The following RMND5A variants were observed in gnomAD, a reference collection of about 807,000 sequenced individuals.
RMND5A encodes required for meiotic nuclear division 5 homolog A.
Under a neutral mutation model 49.7 loss-of-function variants are expected in RMND5A, and 17 were observed. The ratio of observed to expected loss-of-function variants is 0.34; its 90% confidence interval spans 0.23 to 0.51. RMND5A has a LOEUF of 0.51. Among genes scored for constraint, RMND5A ranks in the 20% least tolerant of loss-of-function variants. The pLI is 0.96. For synonymous variants in RMND5A, 156 were observed against 167.7 expected, an observed-to-expected ratio of 0.93 and a Z score of 0.54; for missense variants, 255 against 471.3, an observed-to-expected ratio of 0.54 and a Z score of 4.25.
At chr2:86,737,959 G>A (rs371304384) in intron 1 of RMND5A, among the ~76,000 whole-genome samples, 31 of 9,308 alleles carry the variant, frequency 3.3e-3, no homozygotes, top group African/African-American at 0.013. Context: ...TAGAGACAGG[G>A]TCTGACTCTG....
At chr2:86,755,258 A>G (rs992518416) in intron 4 of RMND5A, among the ~76,000 whole-genome samples, 2 of 152,134 alleles carry the variant, frequency 1.3e-5, no homozygotes, top group African/African-American at 4.8e-5. Flanking sequence ...AGCTAAGACT[A>G]CAGGTGCACA....
chr2:86,742,740 G>A (rs554996017), intron 2 of RMND5A, among the ~76,000 whole-genome samples: 2,025 of 151,154 alleles, frequency 0.013, 25 homozygotes, highest in Admixed American at 0.031. Flanking sequence ...AGTTCAGAGA[G>A]AACCCCAGGA....
At chr2:86,725,345 T>C (rs1489251923) in intron 1 of RMND5A, among the ~76,000 whole-genome samples, 1 of 145,498 alleles carries the variant, frequency 6.9e-6, no homozygotes, top group Non-Finnish European at 1.5e-5. Context: ...CTGGACCACC[T>C]GGTTGCCCAC....
chr2:86,769,588 G>T (rs1371087001), intron 6 of RMND5A, among the ~76,000 whole-genome samples: 1 of 152,012 alleles, frequency 6.6e-6, no homozygotes, highest in Non-Finnish European at 1.5e-5. Flanking sequence ...GTTCTCCAAA[G>T]CTGCTTTCTT....
intron 7 of RMND5A, 144 bp downstream of exon 7, chr2:86,770,269 A>G (rs1672666852): frequency 1.5e-6 from 1 of 653,342 alleles, no homozygotes; most frequent in African/African-American, 1.9e-5. Context: ...AGATTAAACA[A>G]TACAAATGAA....
At chr2:86,766,924 A>G (rs1326437302) in intron 6 of RMND5A, among the ~76,000 whole-genome samples, 2 of 152,236 alleles carry the variant, frequency 1.3e-5, no homozygotes, top group Non-Finnish European at 2.9e-5. Flanking sequence ...AATAATTTGT[A>G]TGACAAAATA....
At chr2:86,729,315 TAGAA>T (rs1407126439) in intron 1 of RMND5A, among the ~76,000 whole-genome samples, 4 of 151,952 alleles carry the variant, frequency 2.6e-5, no homozygotes, top group Non-Finnish European at 5.9e-5. Context: ...AGAGAGCCCT[TAGAA>T]AGAACTGCAT....
intron 2 of RMND5A, among the ~76,000 whole-genome samples, chr2:86,748,818 G>T (rs927906183): frequency 5.9e-5 from 9 of 152,232 alleles, no homozygotes; most frequent in African/African-American, 1.7e-4. Flanking sequence ...GTGTCTTCCA[G>T]CGTTGTTTTA....
chr2:86,751,971 G>A lies in RMND5A; in HGVS notation c.361G>A (p.Val121Met). 5 of 1,613,964 alleles carry A rather than the reference G, an allele frequency of 3.1e-6. No individual in the cohort carries two copies. The highest frequency in any genetic ancestry group is 4.2e-6 in the Non-Finnish European group (5 of 1,179,932). The change falls in exon 3 of 9, where the codon GTG becomes ATG. Residue 121 changes from valine to methionine, a missense_variant. By Grantham distance (21) the Val-to-Met change is conservative. Around this residue, in one of 3 missense-constraint regions of RMND5A, gnomAD observed 208 missense variants for 339.8 expected, o/e 0.61. Transcript: ENST00000283632. ...QADSQRLLNE[V>M]MVEHFFRQGM... ...AGACAGCCAAAGGCTTCTCAATGAG[G>A]TGATGGTGGAGCACTTCTTTCGACA...
intron 7 of RMND5A, among the ~76,000 whole-genome samples, chr2:86,770,693 A>G (rs778384931): frequency 9.2e-5 from 14 of 152,234 alleles, no homozygotes; most frequent in Non-Finnish European, 1.5e-4. Context: ...TAGTGTATTC[A>G]TCTCTAAGAC....
intron 2 of RMND5A, among the ~76,000 whole-genome samples, chr2:86,745,385 G>A (rs556106865): frequency 6.6e-6 from 1 of 152,314 alleles, no homozygotes; most frequent in African/African-American, 2.4e-5. Flanking sequence ...ATAAAGTAAA[G>A]GTAGTTGCTA....
rs1469937397 is a variant in RMND5A, at chr2:86,773,375, A to G, written c.1140A>G (p.Glu380=). The change falls in exon 9 of 9, where the codon GAA becomes GAG. Residue 380 remains glutamate, a synonymous_variant. Transcript: ENST00000283632. ...TAAAATGTCCCTACTGTCCAATGGA[A>G]CAAAGTCCAGGAGATGCCAAACAGA... The part of the protein sequence containing the change: ...SKLKCPYCPM[E]QSPGDAKQIF... 1 of 1,609,386 alleles carries G rather than the reference A, an allele frequency of 6.2e-7. No homozygotes were observed. The highest frequency in any genetic ancestry group is 2.2e-5 in the East Asian group (1 of 44,848).
intron 1 of RMND5A, among the ~76,000 whole-genome samples, chr2:86,721,566 C>CA (rs897870896): frequency 1.0e-4 from 15 of 149,994 alleles, no homozygotes; most frequent in African/African-American, 2.9e-4. Context: ...TAAGTTCGTT[C>CA]AAAAAAAATA....
chr2:86,751,875 C>T, intron 2 of RMND5A, 21 bp from the exon 3 acceptor site: 1 of 1,605,144 alleles, frequency 6.2e-7, no homozygotes, highest in Non-Finnish European at 8.5e-7. Context: ...TTATGATTCC[C>T]TTTCTCTTTC....
intron 2 of RMND5A, among the ~76,000 whole-genome samples, chr2:86,749,343 C>T (rs1311358094): frequency 6.6e-6 from 1 of 152,052 alleles, no homozygotes; most frequent in Non-Finnish European, 1.5e-5. Flanking sequence ...TCATTATATG[C>T]ATGGATGCTC....
intron 6 of RMND5A, among the ~76,000 whole-genome samples, chr2:86,769,665 C>A (rs1672657027): frequency 6.6e-6 from 1 of 151,058 alleles, no homozygotes; most frequent in Admixed American, 6.6e-5. Flanking sequence ...AGTTAAATTA[C>A]CCTAGCAGAT....
intron 1 of RMND5A, among the ~76,000 whole-genome samples, chr2:86,721,718 C>T (rs577072056): frequency 6.6e-6 from 1 of 151,278 alleles, no homozygotes; most frequent in South Asian, 2.1e-4. Flanking sequence ...AAGTGAAGGA[C>T]TTATTTAATG....
chr2:86,777,954 C>T lies in RMND5A; in HGVS notation c.*4543C>T, dbSNP rs1672797097. The stretch of plus-strand genomic sequence containing the variant: ...GAGTTTTGGAAAACTATAAGAAATG[C>T]TTTGTTAATGTGTGTATTCCTATGT... On this transcript the variant is annotated 3_prime_UTR_variant, in exon 9 of 9. Coordinates refer to ENST00000283632, the MANE Select transcript of RMND5A (RefSeq NM_022780.4). 6.6e-6 allele frequency: 1 copy of T among 152,096 alleles called. No homozygotes were observed. Among genetic ancestry groups the T allele is most frequent in the Admixed American group, 6.5e-5 (1 of 15,268 alleles). 9.4% of individuals were successfully genotyped at this position (152,096 alleles called of 1,614,324 possible).
rs544705536 is a variant in RMND5A at position 86,720,523 on chromosome 2, G to A, written c.-145G>A. 2.2e-6 allele frequency: 1 copy of A among 444,510 alleles called. No homozygotes were observed. The highest frequency in any genetic ancestry group is 3.4e-6 in the Non-Finnish European group (1 of 298,336). The allele number at this position is 444,510 out of a possible 1,614,324, so 27.5% of individuals were successfully genotyped here. A position where few individuals can be genotyped will look rare whatever the true frequency, so the allele number is the denominator to read the frequency against. The stretch of plus-strand genomic sequence containing the variant: ...CTGCGCGGGGCTCCCCCGGCGCCGC[G>A]GCTAGTGCGCCCGCCGCCTCGGCCG... On this transcript the variant is annotated 5_prime_UTR_variant, in exon 1 of 9. Coordinates refer to ENST00000283632, the MANE Select transcript of RMND5A (RefSeq NM_022780.4).
Sources: allele counts gnomAD v4.1 joint callset (sites outside exome capture counted in the v4.1 genomes callset), GRCh38; gene constraint gnomAD v4.1.1; regional missense constraint gnomAD v4.1.1; transcripts MANE v1.5; gene names NCBI Gene and HGNC (gene_info 2026-07-23, HGNC 2026-07-21).